YIPF6: variants seen among roughly 807,000 people sequenced by gnomAD.
The protein encoded by YIPF6 is Yip1 domain family member 6, also known as protein YIPF6.
A neutral mutation model predicts 16.8 loss-of-function variants in YIPF6; 3 were observed. The ratio of observed to expected loss-of-function variants is 0.18; its 90% CI spans 0.08 to 0.46. YIPF6 has a LOEUF of 0.46. YIPF6 is among the 20% of genes least tolerant of loss of function. The pLI is 0.98. For synonymous variants in YIPF6, 67 were observed against 61.9 expected (o/e 1.08, Z -0.38); for missense variants, 145 against 184.9 (o/e 0.78, Z 1.25).
chrX:68,529,264 C>T (rs942203950), intron 6 of YIPF6, among the ~76,000 whole-genome samples: 8 of 109,377 alleles, frequency 7.3e-5, no homozygotes, highest in African/African-American at 1.7e-4. Flanking sequence ...TCTGCTTGAT[C>T]GATTCAGCTA....
chrX:68,511,868 T>C lies in YIPF6; in HGVS notation c.77T>C (p.Ile26Thr), dbSNP rs1247726711. 1.7e-6 allele frequency: 2 copies of C among 1,205,029 alleles called. No homozygotes were observed. Among genetic ancestry groups the C allele is most frequent in the African/African-American group, 3.5e-5 (2 of 56,853 alleles). The stretch of plus-strand genomic sequence containing the variant: ...TCTCAGTTTGCAGGCCTTTCAGATA[T>C]ATCCATCTCACAAGACATCCCCGTA... Reference protein sequence around the residue: ...PRPLFAGLSDISISQDIPVEG... With the variant: ...PRPLFAGLSDTSISQDIPVEG... The change falls in exon 2 of 7, where the codon ATA becomes ACA. Residue 26 changes from isoleucine to threonine, a missense_variant. Transcript: ENST00000462683.
intron 6 of YIPF6, among the ~76,000 whole-genome samples, chrX:68,526,406 A>G (rs1168212812): frequency 8.9e-6 from 1 of 111,859 alleles, no homozygotes; most frequent in Admixed American, 9.5e-5. Context: ...TTTTCTAAAT[A>G]TACAATCATG....
At chrX:68,514,791 C>A (rs2079094988) in intron 3 of YIPF6, 2 of 112,688 alleles carry the variant, frequency 1.8e-5, no homozygotes, top group Non-Finnish European at 3.8e-5. Flanking sequence ...GATTTTCAAG[C>A]CTATCATTTA....
At chrX:68,509,740 G>A (rs1412068407) in intron 1 of YIPF6, among the ~76,000 whole-genome samples, 1 of 111,182 alleles carries the variant, frequency 9.0e-6, no homozygotes, top group Non-Finnish European at 1.9e-5. Context: ...TAGTAGTAGA[G>A]AGCTTTTCCT....
intron 1 of YIPF6, among the ~76,000 whole-genome samples, chrX:68,499,949 A>G (rs775784536): frequency 3.6e-5 from 4 of 112,092 alleles, no homozygotes; most frequent in Admixed American, 9.5e-5. Flanking sequence ...CATCTTCACT[A>G]TACTCTCTTG....
intron 3 of YIPF6, chrX:68,514,255 T>C (rs185167979): frequency 9.7e-6 from 1 of 103,058 alleles, no homozygotes; most frequent in East Asian, 3.0e-4. Flanking sequence ...TATATATATA[T>C]ATATATATTT....
At chrX:68,501,509 T>C (rs1203042616) in intron 1 of YIPF6, among the ~76,000 whole-genome samples, 2 of 111,974 alleles carry the variant, frequency 1.8e-5, no homozygotes, top group Non-Finnish European at 3.8e-5. Context: ...GGATATGACA[T>C]GCAGGGAGGT....
intron 6 of YIPF6, among the ~76,000 whole-genome samples, chrX:68,531,181 G>A (rs776963433): frequency 9.0e-6 from 1 of 111,420 alleles, no homozygotes; most frequent in Non-Finnish European, 1.9e-5. Context: ...CTGGAGTGCA[G>A]TGGCGCCATC....
chrX:68,513,183 G>A, intron 2 of YIPF6, 144 bp from the exon 3 acceptor site: 1 of 431,516 alleles, frequency 2.3e-6, no homozygotes. Context: ...GTTTGTTTGT[G>A]TAGTGAAGGA....
At position 68,533,717 on chromosome X, in the gene YIPF6, G is replaced by A. The variant is rs754660171; in HGVS notation, c.*1718G>A. The A allele has an allele frequency of 2.8e-4, 31 of 111,674 alleles. No homozygotes were observed. Among genetic ancestry groups the A allele is most frequent in the African/African-American group, 9.8e-4 (30 of 30,757 alleles). The allele number at this position is 111,674 out of a possible 1,213,427, so 9.2% of individuals were successfully genotyped here. ...CTTTTAAATTGTAAAATAAACCTTT[G>A]TGTGGACAGAGCCAATGTTTCAATC... is the stretch of plus-strand genomic sequence containing the variant. On this transcript the variant is annotated 3_prime_UTR_variant, in exon 7 of 7. Transcript: ENST00000462683.
chrX:68,528,560 C>G (rs1445270011), intron 6 of YIPF6, among the ~76,000 whole-genome samples: 1 of 111,574 alleles, frequency 9.0e-6, no homozygotes, highest in African/African-American at 3.3e-5. Context: ...TTAGTTGATG[C>G]CATTTCTTCA....
chrX:68,499,253 C>A, intron 1 of YIPF6, 130 bp downstream of exon 1: 1 of 863,270 alleles, frequency 1.2e-6, no homozygotes, highest in Non-Finnish European at 1.6e-6. Flanking sequence ...GTACCCGATG[C>A]CAGAACCAGT....
chrX:68,500,483 T>C (rs764484857), intron 1 of YIPF6, among the ~76,000 whole-genome samples: 53 of 110,680 alleles, frequency 4.8e-4, no homozygotes, highest in Non-Finnish European at 9.1e-4. Context: ...GTCCAGCTAA[T>C]TTTTGTATTT....
Position 68,532,481 on chromosome X carries a change from C to G in YIPF6, c.*482C>G, listed in dbSNP as rs899971621. Reference sequence around the variant, plus strand: ...TCTATATCCATTTTCTTTTATTTCTCTCTCTTAAGCTTAAAAAGGCAATGA... The same window carrying G: ...TCTATATCCATTTTCTTTTATTTCTGTCTCTTAAGCTTAAAAAGGCAATGA... On this transcript the variant is annotated 3_prime_UTR_variant, in exon 7 of 7. Coordinates refer to ENST00000462683, the MANE Select transcript of YIPF6 (RefSeq NM_173834.4). The G allele has an allele frequency of 1.8e-5, 2 of 110,459 alleles. No individual in the cohort carries two copies. The highest frequency in any genetic ancestry group is 9.8e-5 in the Admixed American group (1 of 10,207). The allele number at this position is 110,459 out of a possible 1,213,427, so 9.1% of individuals were successfully genotyped here.
At chrX:68,513,165 CCT>C (rs1373465559) in intron 2 of YIPF6, among the ~76,000 whole-genome samples, 160 bp from the exon 3 acceptor site, 6 of 111,909 alleles carry the variant, frequency 5.4e-5, no homozygotes, top group African/African-American at 1.9e-4. Flanking sequence ...GCATACCCTA[CCT>C]CTCTGGTTTG....
At chrX:68,503,446 G>A (rs759061776) in intron 1 of YIPF6, among the ~76,000 whole-genome samples, 6 of 111,714 alleles carry the variant, frequency 5.4e-5, no homozygotes, top group Admixed American at 9.5e-5. Context: ...CGCCTTTCCC[G>A]CTGAGGGCTA....
At chrX:68,522,111 C>T (rs1409631449) in intron 5 of YIPF6, among the ~76,000 whole-genome samples, 2 of 109,998 alleles carry the variant, frequency 1.8e-5, no homozygotes, top group Non-Finnish European at 3.8e-5. Flanking sequence ...CAAGTGGTCC[C>T]TAGCTTTTAA....
At chrX:68,501,904 G>C (rs926734566) in intron 1 of YIPF6, among the ~76,000 whole-genome samples, 1 of 111,222 alleles carries the variant, frequency 9.0e-6, no homozygotes, top group Non-Finnish European at 1.9e-5. Flanking sequence ...TGGGATATTG[G>C]GGAAATTACC....
At chrX:68,512,165 A>G (rs1252696318) in intron 2 of YIPF6, among the ~76,000 whole-genome samples, 188 bp downstream of exon 2, 1 of 112,193 alleles carries the variant, frequency 8.9e-6, no homozygotes, top group Non-Finnish European at 1.9e-5. Flanking sequence ...ATGCATATTA[A>G]TAATCTTAAA....
Sources: gnomAD v4.1 joint callset for allele counts (sites outside exome capture counted in the v4.1 genomes callset) on GRCh38, gnomAD v4.1.1 for gene constraint, MANE v1.5 for transcripts, NCBI Gene and HGNC (gene_info 2026-07-23, HGNC 2026-07-21) for gene names.